SLC41A2: variants seen among roughly 807,000 people sequenced by gnomAD.
SLC41A2 encodes the protein solute carrier family 41 member 2, also known as SLC41A1-like 1.
SLC41A2 carries 32 observed loss-of-function variants against 58.3 expected under a neutral mutation model. The observed-to-expected ratio is 0.55, with a 90% CI of 0.41 to 0.74. The LOEUF is 0.74. Among genes scored for constraint, SLC41A2 ranks in the 30% least tolerant of loss-of-function variants. The pLI, the probability that SLC41A2 is intolerant of heterozygous loss-of-function variation, is 0.00. For synonymous variants in SLC41A2, 190 were observed against 235.0 expected, an observed-to-expected ratio of 0.81 and a Z score of 1.75; for missense variants, 514 against 680.6, an observed-to-expected ratio of 0.76 and a Z score of 2.72.
Position 104,933,674 on chromosome 12 carries a change from AATACACACACACAC to A in SLC41A2, c.-167-4994_-167-4981del, listed in dbSNP as rs1593169144. Among the ~76,000 whole-genome samples, 4 of 149,624 alleles carry A rather than the reference AATACACACACACAC, an allele frequency of 2.7e-5. No individual in the cohort carries two copies. In the South Asian group the frequency reaches 8.4e-4, roughly 31 times the overall value. On this transcript the variant is annotated intron_variant, in intron 1 of 10. Transcript: ENST00000258538. ...AATGAATTAGAGGATAAAGAAAATAAATACACACACACACATACACACACACACACCCATATATA... is the reference window on the plus strand; with the variant it reads ...AATGAATTAGAGGATAAAGAAAATAAATACACACACACACACCCATATATA...
At chr12:104,906,223 T>C (rs1316954482) in intron 3 of SLC41A2, among the ~76,000 whole-genome samples, 2 of 152,134 alleles carry the variant, frequency 1.3e-5, no homozygotes, top group African/African-American at 4.8e-5. Flanking sequence ...TATAAGGAAA[T>C]ACTGGGATAC....
rs546452256 is a variant in SLC41A2, at chr12:104,836,055, G to C, written c.1536+8417C>G. Among the ~76,000 whole-genome samples the C allele has an allele frequency of 2.6e-5, 4 of 152,288 alleles. No homozygotes were observed. The South Asian group carries it at 8.3e-4, about 32-fold the overall frequency. ...GATGGGGTTTCACCATGTTGGCCAG[G>C]CTGGTCTCAAACTCCTGAGTTCAGG... On this transcript the variant is annotated intron_variant, in intron 10 of 10. Transcript: ENST00000258538.
chr12:104,834,777 T>C (rs746391881), intron 10 of SLC41A2, among the ~76,000 whole-genome samples: 1 of 152,114 alleles, frequency 6.6e-6, no homozygotes, highest in Non-Finnish European at 1.5e-5. Flanking sequence ...GGAAGCCTTA[T>C]CATTTTATAT....
chr12:104,895,515 G>A (rs565403850), intron 3 of SLC41A2, among the ~76,000 whole-genome samples, 170 bp from the exon 4 acceptor site: 29 of 152,172 alleles, frequency 1.9e-4, no homozygotes, highest in Admixed American at 1.4e-3. Flanking sequence ...TTCAGCTAAC[G>A]CTAGGCTTGA....
intron 10 of SLC41A2, among the ~76,000 whole-genome samples, chr12:104,817,361 A>T (rs980300351): frequency 2.6e-5 from 4 of 152,228 alleles, no homozygotes; most frequent in Non-Finnish European, 5.9e-5. Flanking sequence ...TAATGTAGAC[A>T]TTAAAAATAC....
In SLC41A2 at chr12:104,882,340, G is replaced by A. The variant is rs576836365; in HGVS notation, c.1027+3953C>T. ...ACATTTAACATTAATATTGTTATGTGTGAATTTGATCCTGTCATCATGATG... is the reference window on the plus strand; with the variant it reads ...ACATTTAACATTAATATTGTTATGTATGAATTTGATCCTGTCATCATGATG... On this transcript the variant is annotated intron_variant, in intron 6 of 10. Transcript: ENST00000258538. 6.6e-5 allele frequency among the ~76,000 whole-genome samples: 10 copies of A among 152,234 alleles called. No homozygotes were observed. In the South Asian group the frequency reaches 1.5e-3, roughly 22 times the overall value.
At chr12:104,826,692 T>G (rs1214255381) in intron 10 of SLC41A2, among the ~76,000 whole-genome samples, 4 of 152,182 alleles carry the variant, frequency 2.6e-5, no homozygotes, top group Non-Finnish European at 5.9e-5. Flanking sequence ...CAGGTCCCCT[T>G]CTCCCTACAG....
chr12:104,843,689 GAAGAA>G (rs2136327931), intron 10 of SLC41A2, among the ~76,000 whole-genome samples: 1 of 152,058 alleles, frequency 6.6e-6, no homozygotes, highest in African/African-American at 2.4e-5. Flanking sequence ...CACAAAAATA[GAAGAA>G]AACAGATATT....
intron 6 of SLC41A2, among the ~76,000 whole-genome samples, chr12:104,867,154 C>T (rs2043508048): frequency 6.6e-6 from 1 of 151,970 alleles, no homozygotes. Flanking sequence ...ATATTGGCTG[C>T]CTACTGATAA....
chr12:104,819,280 C>G (rs530036911), intron 10 of SLC41A2, among the ~76,000 whole-genome samples: 1 of 152,062 alleles, frequency 6.6e-6, no homozygotes, highest in South Asian at 2.1e-4. Flanking sequence ...AATCATGTGT[C>G]AAAGGGAAAT....
chr12:104,932,624 C>CAAAAAA (rs544329617), intron 1 of SLC41A2, among the ~76,000 whole-genome samples: 14 of 45,960 alleles, frequency 3.0e-4, no homozygotes, highest in East Asian at 6.4e-4. Context: ...GACTTTGTCT[C>CAAAAAA]AAAAAAAAAA....
At chr12:104,889,379 G>T (rs1056975448) in intron 4 of SLC41A2, among the ~76,000 whole-genome samples, 1 of 152,090 alleles carries the variant, frequency 6.6e-6, no homozygotes, top group African/African-American at 2.4e-5. Flanking sequence ...TGATGATCTG[G>T]TGACAAGTAT....
intron 10 of SLC41A2, among the ~76,000 whole-genome samples, chr12:104,837,224 G>C (rs2042243328): frequency 6.6e-6 from 1 of 152,116 alleles, no homozygotes; most frequent in South Asian, 2.1e-4. Flanking sequence ...CTATTAGACT[G>C]CATGGACTCA....
intron 10 of SLC41A2, among the ~76,000 whole-genome samples, chr12:104,808,319 G>C (rs1490265171): frequency 6.6e-6 from 1 of 152,210 alleles, no homozygotes; most frequent in East Asian, 1.9e-4. Context: ...CATCTATTGA[G>C]ATAATCATGT....
chr12:104,902,330 G>A (rs987351761), intron 3 of SLC41A2, among the ~76,000 whole-genome samples: 1 of 152,188 alleles, frequency 6.6e-6, no homozygotes, highest in Admixed American at 6.5e-5. Context: ...AATTTCATAG[G>A]CAGAACTGAT....
intron 8 of SLC41A2, among the ~76,000 whole-genome samples, chr12:104,851,332 A>T (rs573228015): frequency 2.6e-5 from 4 of 152,276 alleles, no homozygotes; most frequent in Non-Finnish European, 4.4e-5. Context: ...TTTAAAATAT[A>T]TATATGAAAG....
intron 10 of SLC41A2, among the ~76,000 whole-genome samples, chr12:104,807,970 G>T (rs1176893871): frequency 2.0e-5 from 3 of 152,212 alleles, no homozygotes; most frequent in Admixed American, 1.3e-4. Flanking sequence ...TTTGGGCTGA[G>T]ACGATGGGGT....
intron 7 of SLC41A2, among the ~76,000 whole-genome samples, chr12:104,862,790 GAGAAC>G (rs2136431002): frequency 6.6e-6 from 1 of 151,948 alleles, no homozygotes; most frequent in East Asian, 1.9e-4. Flanking sequence ...CTTTTGTGGT[GAGAAC>G]ACCTATACAA....
chr12:104,956,188 A>G (rs2048990173), intron 1 of SLC41A2, among the ~76,000 whole-genome samples: 2 of 152,214 alleles, frequency 1.3e-5, no homozygotes, highest in East Asian at 3.8e-4. Flanking sequence ...GTAAATGTAA[A>G]GGGGTCAGTA....
Sources: gnomAD v4.1 joint callset for allele counts (sites outside exome capture counted in the v4.1 genomes callset) on GRCh38, gnomAD v4.1.1 for gene constraint, MANE v1.5 for transcripts, NCBI Gene and HGNC (gene_info 2026-07-23, HGNC 2026-07-21) for gene names.